DSCAM: variants seen among roughly 807,000 people sequenced by gnomAD.
DSCAM encodes DS cell adhesion molecule.
A neutral mutation model predicts 217.7 loss-of-function variants in DSCAM; 47 were observed. The observed-to-expected ratio is 0.22, with a 90% CI of 0.17 to 0.28. The LOEUF (loss-of-function observed/expected upper bound fraction) is 0.28, where lower values mean the gene tolerates loss of function less well. DSCAM is among the 10% of genes least tolerant of loss of function. The probability of loss-of-function intolerance (pLI) is 1.00; values close to 1 mark genes in which losing one functional copy is unlikely to be tolerated. For synonymous variants in DSCAM, 1,056 were observed against 1,015.3 expected (o/e 1.04, Z -0.76); for missense variants, 2,080 against 2,618.3 (o/e 0.79, Z 4.49).
intron 3 of DSCAM, among the ~76,000 whole-genome samples, chr21:40,520,568 G>A (rs913784830): frequency 4.6e-5 from 7 of 152,096 alleles, no homozygotes; most frequent in African/African-American, 1.4e-4. Context: ...CAGCACTTTG[G>A]GAGGCCGAGG....
chr21:40,658,661 T>G (rs1381417322), intron 3 of DSCAM, among the ~76,000 whole-genome samples: 1 of 152,134 alleles, frequency 6.6e-6, no homozygotes, highest in South Asian at 2.1e-4. Context: ...ACGGTCCCCT[T>G]GGGATGCCCA....
chr21:40,432,440 T>C (rs1273069577), intron 3 of DSCAM, among the ~76,000 whole-genome samples: 1 of 152,054 alleles, frequency 6.6e-6, no homozygotes, highest in Non-Finnish European at 1.5e-5. Context: ...GCCTCTGTCT[T>C]ATGAGGACCC....
chr21:40,082,887 G>A (rs1243838432), intron 24 of DSCAM, among the ~76,000 whole-genome samples: 4 of 152,086 alleles, frequency 2.6e-5, no homozygotes, highest in South Asian at 2.1e-4. Context: ...CCTCACTCTC[G>A]GAGCTGGAAG....
chr21:40,323,842 G>A (rs546619278), intron 8 of DSCAM, among the ~76,000 whole-genome samples: 54 of 152,140 alleles, frequency 3.5e-4, no homozygotes, highest in African/African-American at 1.2e-3. Flanking sequence ...AGTGGCTCAC[G>A]CCTGTAATCC....
chr21:40,352,921 T>C (rs922962383), intron 5 of DSCAM, among the ~76,000 whole-genome samples: 2 of 152,150 alleles, frequency 1.3e-5, no homozygotes, highest in Non-Finnish European at 2.9e-5. Context: ...ATCAAATAAA[T>C]CCATTATATT....
At chr21:40,269,552 T>C (rs73225098) in intron 11 of DSCAM, among the ~76,000 whole-genome samples, 1 of 152,304 alleles carries the variant, frequency 6.6e-6, no homozygotes, top group Non-Finnish European at 1.5e-5. Flanking sequence ...TGTAACAAAG[T>C]TCCACAAACT....
At chr21:40,117,001 C>CAAAAAAAAAAAAAAAAAA (rs534100380) in intron 20 of DSCAM, among the ~76,000 whole-genome samples, 1 of 33,180 alleles carries the variant, frequency 3.0e-5, no homozygotes, top group African/African-American at 1.1e-4. Context: ...GACTCTGTCT[C>CAAAAAAAAAAAAAAAAAA]AAAAAAAAAA....
intron 3 of DSCAM, among the ~76,000 whole-genome samples, chr21:40,667,804 C>G (rs1032135082): frequency 6.6e-6 from 1 of 152,088 alleles, no homozygotes; most frequent in Non-Finnish European, 1.5e-5. Flanking sequence ...CTGAGGCCTC[C>G]CCAGCCATGT....
intron 3 of DSCAM, 116 bp downstream of exon 3, chr21:40,692,694 A>G (rs2090550423): frequency 1.5e-6 from 2 of 1,291,622 alleles, no homozygotes; most frequent in Non-Finnish European, 2.1e-6. Context: ...CATCAGCCTT[A>G]AGAATACTAA....
intron 1 of DSCAM, among the ~76,000 whole-genome samples, chr21:40,778,243 G>A (rs1195177641): frequency 6.6e-6 from 1 of 151,980 alleles, no homozygotes; most frequent in Non-Finnish European, 1.5e-5. Context: ...CAAATCCAAA[G>A]AAATAACATC....
At chr21:40,331,228 A>G (rs2123561001) in intron 8 of DSCAM, among the ~76,000 whole-genome samples, 1 of 152,300 alleles carries the variant, frequency 6.6e-6, no homozygotes, top group Middle Eastern at 3.4e-3. Context: ...AATTCAGTGG[A>G]AGCTGATAGT....
intron 3 of DSCAM, among the ~76,000 whole-genome samples, chr21:40,582,095 A>AT (rs982792343): frequency 4.6e-5 from 7 of 152,168 alleles, no homozygotes; most frequent in Admixed American, 4.6e-4. Context: ...AAAGCCCAGT[A>AT]TTTAACGGTA....
intron 11 of DSCAM, among the ~76,000 whole-genome samples, chr21:40,223,211 C>T (rs2091303350): frequency 6.6e-6 from 1 of 152,256 alleles, no homozygotes; most frequent in Non-Finnish European, 1.5e-5. Context: ...CTCAGAGCAG[C>T]TTTGAGGAGG....
chr21:40,061,172 C>T (rs1183991326), intron 28 of DSCAM, among the ~76,000 whole-genome samples: 1 of 152,150 alleles, frequency 6.6e-6, no homozygotes, highest in Non-Finnish European at 1.5e-5. Context: ...TCAATACCTC[C>T]TCCCAACCTA....
intron 1 of DSCAM, among the ~76,000 whole-genome samples, chr21:40,764,019 C>T (rs1365452106): frequency 6.6e-6 from 1 of 152,118 alleles, no homozygotes; most frequent in African/African-American, 2.4e-5. Context: ...CAATATCATT[C>T]AGGACATTGG....
At chr21:40,048,005 A>G (rs1197445041) in intron 30 of DSCAM, among the ~76,000 whole-genome samples, 1 of 152,192 alleles carries the variant, frequency 6.6e-6, no homozygotes, top group East Asian at 1.9e-4. Context: ...CCTAAAGGCC[A>G]TGTAGAATGA....
chr21:40,177,142 A>G (rs895787430), intron 15 of DSCAM, among the ~76,000 whole-genome samples: 1 of 152,266 alleles, frequency 6.6e-6, no homozygotes, highest in African/African-American at 2.4e-5. Flanking sequence ...AGTACCCAGC[A>G]TAATGAAATC....
chr21:40,554,217 G>A (rs1353655827), intron 3 of DSCAM, among the ~76,000 whole-genome samples: 1 of 145,216 alleles, frequency 6.9e-6, no homozygotes, highest in Non-Finnish European at 1.5e-5. Flanking sequence ...TTTTTTTAAT[G>A]CGACAAATTG....
At chr21:40,649,742 G>A (rs2089991374) in intron 3 of DSCAM, among the ~76,000 whole-genome samples, 1 of 152,168 alleles carries the variant, frequency 6.6e-6, no homozygotes, top group Admixed American at 6.5e-5. Flanking sequence ...TGCAGGAAAG[G>A]TTCAGTTGAG....
Sources: allele counts gnomAD v4.1 joint callset (sites outside exome capture counted in the v4.1 genomes callset), GRCh38; gene constraint gnomAD v4.1.1; transcripts MANE v1.5; gene names NCBI Gene and HGNC (gene_info 2026-07-23, HGNC 2026-07-21).